The following ZNF358 variants were observed in gnomAD, a reference collection of about 807,000 sequenced individuals.
ZNF358 encodes zinc finger protein 358.
A neutral mutation model predicts 2.1 loss-of-function variants in ZNF358; 1 was observed. That is an observed-to-expected ratio of 0.49 (90% CI 0.17 to 2.30). The LOEUF (loss-of-function observed/expected upper bound fraction) is 2.30. ZNF358 is among the 30% of genes most tolerant of loss of function. The probability of loss-of-function intolerance (pLI) is 0.26; values close to 1 mark genes in which losing one functional copy is unlikely to be tolerated. For synonymous variants in ZNF358, 381 were observed against 359.7 expected (o/e 1.06, Z -0.67); for missense variants, 665 against 806.8 (o/e 0.82, Z 2.13).
At position 7,520,446 on chromosome 19, in the gene ZNF358, GCT is replaced by G. The variant is rs2022452743; in HGVS notation, c.1205_1206del (p.Ala402GlyfsTer39). The G allele has an allele frequency of 6.5e-7, 1 of 1,544,850 alleles. No homozygotes were observed. Among genetic ancestry groups the G allele is most frequent in the Non-Finnish European group, 8.7e-7 (1 of 1,155,110 alleles). On this transcript the variant is annotated frameshift_variant, in exon 2 of 2. Transcript: ENST00000597229. LOFTEE classifies it low-confidence loss of function (END_TRUNC). The surrounding 1 kb of genome is among the most constrained non-coding windows in gnomAD (Gnocchi z 6.0). ...KHKRVHEGAA[A>X]AAAAAAAAAA... ...CAAACGGGTGCATGAGGGTGCAGCC[GCT>G]GCTGCAGCTGCCGCGGCCGCTGCAG...
chr19:7,519,099 TG>T, intron 1 of ZNF358, 105 bp from the exon 2 acceptor site: 1 of 1,223,952 alleles, frequency 8.2e-7, no homozygotes, highest in Non-Finnish European at 1.1e-6. Context: ...AAGTGGGTTC[TG>T]GGGGCACAAT....
At position 7,519,501 on chromosome 19, in the gene ZNF358, C is replaced by CCCAT. The variant is rs777577693; in HGVS notation, c.260_263dup (p.Met88IlefsTer23). 1.2e-6 allele frequency: 2 copies of CCCAT among 1,613,034 alleles called. No individual in the cohort carries two copies. Among genetic ancestry groups the CCCAT allele is most frequent in the Non-Finnish European group, 8.5e-7 (1 of 1,179,994 alleles). On this transcript the variant is annotated frameshift_variant, in exon 2 of 2. Transcript: ENST00000597229. LOFTEE classifies it low-confidence loss of function (END_TRUNC). The stretch of plus-strand genomic sequence containing the variant: ...GGGCTCGGAACCCCAAGATCCCGAC[C>CCCAT]CCATGTCTTCGAGTTTCGACCTCGA...
At chr19:7,519,154 C>T (rs968601924) in intron 1 of ZNF358, 51 bp from the exon 2 acceptor site, 5 of 1,517,266 alleles carry the variant, frequency 3.3e-6, no homozygotes, top group Admixed American at 2.1e-5. Flanking sequence ...AAAGACACCC[C>T]CGCTCCCACA....
At chr19:7,518,027 TC>T (rs1192817989) in intron 1 of ZNF358, among the ~76,000 whole-genome samples, 1 of 152,182 alleles carries the variant, frequency 6.6e-6, no homozygotes, top group Non-Finnish European at 1.5e-5. Context: ...CCCACACTGT[TC>T]CCCATGTGGG....
chr19:7,516,393 G>A lies in ZNF358; in HGVS notation c.-39+144G>A, dbSNP rs1353905241. The A allele has an allele frequency of 2.0e-5, 3 of 151,500 alleles. No individual in the cohort carries two copies. Among genetic ancestry groups the A allele is most frequent in the Admixed American group, 6.6e-5 (1 of 15,228 alleles). The allele number at this position is 151,500 out of a possible 1,614,324, so 9.4% of individuals were successfully genotyped here. On this transcript the variant is annotated intron_variant, in intron 1 of 1. Transcript: ENST00000597229. The surrounding 1 kb of genome is among the most constrained non-coding windows in gnomAD (Gnocchi z 5.9). The stretch of plus-strand genomic sequence containing the variant: ...GCGCGCCGCCGGCCCTGGCCCAGGC[G>A]AGCGGGGGTCGCGGGAGCGATGGGG...
rs2022417884 is a variant in ZNF358 at position 7,519,412 on chromosome 19, T to TGG, written c.171_172dup (p.Asp58GlyfsTer42). The TGG allele has an allele frequency of 6.2e-7, 1 of 1,613,946 alleles. No individual in the cohort carries two copies. The highest frequency in any genetic ancestry group is 8.5e-7 in the Non-Finnish European group (1 of 1,180,022). On this transcript the variant is annotated frameshift_variant, in exon 2 of 2. Transcript: ENST00000597229. LOFTEE classifies it low-confidence loss of function (END_TRUNC). Reference sequence around the variant, plus strand: ...GACCTCAACACTGTCCCGGAAGACGTGGACCCCAGCTATGAAGATCTGGAG... The same window carrying TGG: ...GACCTCAACACTGTCCCGGAAGACGTGGGGACCCCAGCTATGAAGATCTGGAG...
Position 7,519,187 on chromosome 19 carries a change from C to CT in ZNF358, c.-38-17dup. ...ACAGAACCCACCTACCCTCTACCCT[C>CT]TATCCTTGCCCTTGCAGGTCTTGCC... On this transcript the variant is annotated splice_polypyrimidine_tract_variant and intron_variant, in intron 1 of 1. Coordinates refer to ENST00000597229, the MANE Select transcript of ZNF358 (RefSeq NM_018083.5). 1 of 1,575,108 alleles carries CT rather than the reference C, an allele frequency of 6.3e-7. No individual in the cohort carries two copies. The highest frequency in any genetic ancestry group is 8.6e-7 in the Non-Finnish European group (1 of 1,162,384).
At chr19:7,518,580 AAAG>A (rs2022390910) in intron 1 of ZNF358, among the ~76,000 whole-genome samples, 1 of 145,828 alleles carries the variant, frequency 6.9e-6, no homozygotes, top group African/African-American at 2.6e-5. Context: ...AGAAAGAAAG[AAAG>A]AAAGAAAGAA....
rs556101041 is a variant in ZNF358, at chr19:7,518,557, G to GAGAGAAAGAAAGAAAGAAAAAGAA, written c.-38-645_-38-644insGAAAGAAAGAAAGAAAAAGAAAGA. ...AAAGAAAGAAAGAAAGAGAGAGAGA[G>GAGAGAAAGAAAGAAAGAAAAAGAA]AGAAAGAAAGAAAGAAAGAAAGAAA... is the stretch of plus-strand genomic sequence containing the variant. On this transcript the variant is annotated intron_variant, in intron 1 of 1. Transcript: ENST00000597229. Among the ~76,000 whole-genome samples, 138 of 116,170 alleles carry GAGAGAAAGAAAGAAAGAAAAAGAA rather than the reference G, an allele frequency of 1.2e-3. 1 individual carries two copies. The highest frequency in any genetic ancestry group is 4.6e-3 in the African/African-American group (122 of 26,562). The allele number at this position is 116,170 out of a possible 152,430, so 76.2% of individuals were successfully genotyped here.
Position 7,520,267 on chromosome 19 carries a change from C to G in ZNF358, c.1025C>G (p.Thr342Arg). ...TTGCAACACCACCTGCGCATCCACA[C>G]GGGCGAGCGGCCCTACGCCTGCCCG... Reference protein sequence around the residue: ...SNLQHHLRIHTGERPYACPHC... With the variant: ...SNLQHHLRIHRGERPYACPHC... Residue 342 changes from threonine to arginine, a missense_variant, in exon 2 of 2, where the codon ACG becomes AGG. Transcript: ENST00000597229. This position sits in a 1 kb window ranked among gnomAD's most constrained non-coding sequence, Gnocchi z 6.0. 1 of 1,609,224 alleles carries G rather than the reference C, an allele frequency of 6.2e-7. No homozygotes were observed. Among genetic ancestry groups the G allele is most frequent in the Non-Finnish European group, 8.5e-7 (1 of 1,179,560 alleles).
Position 7,520,399 on chromosome 19 carries a change from A to G in ZNF358, c.1157A>G (p.Gln386Arg). 6.2e-7 allele frequency: 1 copy of G among 1,604,816 alleles called. No homozygotes were observed. Among genetic ancestry groups the G allele is most frequent in the Non-Finnish European group, 8.5e-7 (1 of 1,175,672 alleles). ...RCQLCGKAFGQASSLTKHKRV... is the reference protein window; with the variant it reads ...RCQLCGKAFGRASSLTKHKRV... ...CAGCTCTGCGGGAAGGCCTTCGGCCAGGCCTCCAGCCTCACCAAGCACAAA... is the reference window on the plus strand; with the variant it reads ...CAGCTCTGCGGGAAGGCCTTCGGCCGGGCCTCCAGCCTCACCAAGCACAAA... Residue 386 changes from glutamine to arginine, a missense_variant, in exon 2 of 2, where the codon CAG becomes CGG. Physicochemically the swap from Gln to Arg is conservative, Grantham distance 43 (BLOSUM62 1). Transcript: ENST00000597229. The surrounding 1 kb of genome is among the most constrained non-coding windows in gnomAD (Gnocchi z 6.0).
chr19:7,520,284 G>T lies in ZNF358; in HGVS notation c.1042G>T (p.Ala348Ser). The T allele has an allele frequency of 6.2e-7, 1 of 1,608,446 alleles. No individual in the cohort carries two copies. The highest frequency in any genetic ancestry group is 8.5e-7 in the Non-Finnish European group (1 of 1,179,034). ...LRIHTGERPY[A>S]CPHCSKAFGQ... ...CATCCACACGGGCGAGCGGCCCTAC[G>T]CCTGCCCGCACTGCTCCAAGGCCTT... is the stretch of plus-strand genomic sequence containing the variant. Residue 348 changes from alanine (A) to serine (S), a missense_variant, in exon 2 of 2, where the codon GCC becomes TCC. This residue lies in a region of ZNF358 where 210 missense variants were observed against 350.8 expected (regional missense o/e 0.60). Coordinates refer to ENST00000597229, the MANE Select transcript of ZNF358 (RefSeq NM_018083.5). The surrounding 1 kb of genome is among the most constrained non-coding windows in gnomAD (Gnocchi z 6.0).
rs1203082603 is a variant in ZNF358, at chr19:7,521,020, C to T, written c.*71C>T. The T allele has an allele frequency of 1.3e-6, 2 of 1,553,680 alleles. No individual in the cohort carries two copies. Among genetic ancestry groups the T allele is most frequent in the African/African-American group, 1.4e-5 (1 of 73,524 alleles). Reference sequence around the variant, plus strand: ...GCAGTCAGTAAAATCCTCCCACTGCCTCCGGGCTCTGTGTCGTGGCTTGCC... The same window carrying T: ...GCAGTCAGTAAAATCCTCCCACTGCTTCCGGGCTCTGTGTCGTGGCTTGCC... On this transcript the variant is annotated 3_prime_UTR_variant, in exon 2 of 2. Coordinates refer to ENST00000597229, the MANE Select transcript of ZNF358 (RefSeq NM_018083.5).
Position 7,520,084 on chromosome 19 carries a change from A to G in ZNF358, c.842A>G (p.His281Arg). 1 of 1,589,832 alleles carries G rather than the reference A, an allele frequency of 6.3e-7. No homozygotes were observed. The change falls in exon 2 of 2, where the codon CAC (histidine) becomes CGC (arginine). Residue 281 changes from histidine (H) to arginine (R), a missense_variant. His to Arg is a conservative substitution (Grantham distance 29). Transcript: ENST00000597229. This position sits in a 1 kb window ranked among gnomAD's most constrained non-coding sequence, Gnocchi z 6.0. Reference protein sequence around the residue: ...GFGQGSALLKHLRTHTGERPY... With the variant: ...GFGQGSALLKRLRTHTGERPY... ...GGCCAGGGCTCTGCGCTGCTCAAAC[A>G]CCTGCGCACGCACACGGGCGAGCGG...
chr19:7,514,973 CGGGAACCTGGG>C (rs1211783128), upstream of ZNF358, among the ~76,000 whole-genome samples: 1 of 152,076 alleles, frequency 6.6e-6, no homozygotes, highest in Non-Finnish European at 1.5e-5. Flanking sequence ...GTGGTATTGT[CGGGAACCTGGG>C]AGCGCTTTGC....
At chr19:7,514,163 C>T (rs2022306429), upstream of ZNF358, among the ~76,000 whole-genome samples, 1 of 152,302 alleles carries the variant, frequency 6.6e-6, no homozygotes, top group South Asian at 2.1e-4. Context: ...TGGCTCATAA[C>T]CCCAGAAGTA....
In ZNF358 at chr19:7,516,903, C is replaced by A. The variant is rs1252454919; in HGVS notation, c.-39+654C>A. Among the ~76,000 whole-genome samples the A allele has an allele frequency of 1.3e-5, 2 of 152,154 alleles. No individual in the cohort carries two copies. Among genetic ancestry groups the A allele is most frequent in the East Asian group, 3.9e-4 (2 of 5,186 alleles). On this transcript the variant is annotated intron_variant, in intron 1 of 1. Transcript: ENST00000597229. This position sits in a 1 kb window ranked among gnomAD's most constrained non-coding sequence, Gnocchi z 5.9. ...TCCCCTGGAGGCAATCTAAGGGTTC[C>A]TCTGCCCCTGATGCAGGAGGGGTCC...
chr19:7,517,837 G>A (rs2022365489), intron 1 of ZNF358, among the ~76,000 whole-genome samples: 1 of 152,112 alleles, frequency 6.6e-6, no homozygotes, highest in Non-Finnish European at 1.5e-5. Flanking sequence ...AGTGACTTGG[G>A]AGGGATACCT....
intron 1 of ZNF358, 111 bp from the exon 2 acceptor site, chr19:7,519,094 G>T: frequency 1.7e-6 from 2 of 1,157,550 alleles, no homozygotes; most frequent in Non-Finnish European, 2.3e-6. Context: ...AAAAGAAGTG[G>T]GTTCTGGGGG....
Sources: allele counts gnomAD v4.1 joint callset (sites outside exome capture counted in the v4.1 genomes callset), GRCh38; gene constraint gnomAD v4.1.1; regional missense constraint gnomAD v4.1.1; non-coding constraint Gnocchi (gnomAD v3.1); transcripts MANE v1.5; gene names NCBI Gene and HGNC (gene_info 2026-07-23, HGNC 2026-07-21).